MACF1: variants seen among roughly 807,000 people sequenced by gnomAD.
MACF1 encodes microtubule-actin cross-linking factor 1.
In MACF1, 193 loss-of-function variants were observed where a neutral mutation model predicts 854.8. That is an observed-to-expected ratio of 0.23 (90% confidence interval 0.20 to 0.25). The LOEUF (loss-of-function observed/expected upper bound fraction) is 0.25, where lower values mean the gene tolerates loss of function less well. Among genes scored for constraint, MACF1 ranks in the 10% least tolerant of loss-of-function variants. MACF1 has a pLI of 1.00. For missense variants in MACF1, 7,722 were observed against 8,929.1 expected, an observed-to-expected ratio of 0.86 and a Z score of 5.45; for synonymous variants, 3,185 against 3,226.7, an observed-to-expected ratio of 0.99 and a Z score of 0.44.
chr1:39,268,910 C>T (rs755209715), intron 6 of MACF1: 133 of 1,288,100 alleles, frequency 1.0e-4, no homozygotes, highest in Non-Finnish European at 1.3e-4. Flanking sequence ...CAGAGAGTCT[C>T]CAAAAGGAAG....
rs547010094 is a variant in MACF1 at position 39,257,705 on chromosome 1, G to A, written c.436-231G>A. Reference sequence around the variant, plus strand: ...AGATCAGTGGTTGTCAGGAATTAGGGGTGAGAGTAGGGTTTGATTACAAGG... The same window carrying A: ...AGATCAGTGGTTGTCAGGAATTAGGAGTGAGAGTAGGGTTTGATTACAAGG... On this transcript the variant is annotated intron_variant, in intron 5 of 100. Transcript: ENST00000564288. The A allele has an allele frequency of 6.4e-5, 30 of 466,026 alleles. No homozygotes were observed. In the East Asian group the frequency reaches 1.2e-3, roughly 18 times the overall value. 28.9% of individuals were successfully genotyped at this position (466,026 alleles called of 1,614,324 possible).
chr1:39,331,575 C>T lies in MACF1; in HGVS notation c.4987C>T (p.Leu1663Phe), dbSNP rs774977475. 2 of 1,614,206 alleles carry T rather than the reference C, an allele frequency of 1.2e-6. No individual in the cohort carries two copies. The highest frequency in any genetic ancestry group is 3.3e-5 in the Admixed American group (2 of 60,028). ...TCACCTGGCAACTGGAGGTTTCAGT[C>T]TTTCCCCTAGTGAGAACTGTATTAA... ...EAHLATGGFS[L>F]SPSENCINLE... Residue 1663 changes from leucine (L) to phenylalanine (F), a missense_variant, in exon 37 of 101, where the codon CTT becomes TTT. By Grantham distance (22) the Leu-to-Phe change is conservative. Coordinates refer to ENST00000564288, the MANE Select transcript of MACF1 (RefSeq NM_001394062.1).
intron 44 of MACF1, among the ~76,000 whole-genome samples, chr1:39,356,409 T>A (rs1297037204): frequency 6.6e-6 from 1 of 151,752 alleles, no homozygotes; most frequent in African/African-American, 2.4e-5. Context: ...GTCTCAAGTC[T>A]GTTGCCAGGC....
At chr1:39,387,019 A>T (rs550316190) in intron 57 of MACF1, among the ~76,000 whole-genome samples, 168 bp from the exon 58 acceptor site, 6 of 152,362 alleles carry the variant, frequency 3.9e-5, no homozygotes, top group Middle Eastern at 3.4e-3. Flanking sequence ...TGATACGAGG[A>T]TTAAATAAGA....
intron 80 of MACF1, 68 bp from the exon 81 acceptor site, chr1:39,447,364 G>T (rs987577422): frequency 2.7e-6 from 4 of 1,482,030 alleles, no homozygotes; most frequent in Non-Finnish European, 3.7e-6. Flanking sequence ...TGCCTTTGTC[G>T]CTGAGCCTAT....
intron 58 of MACF1, among the ~76,000 whole-genome samples, chr1:39,394,572 G>A (rs146516818): frequency 0.01 from 1,546 of 152,102 alleles, 29 homozygotes; most frequent in African/African-American, 0.035. Context: ...GCAGTGAGCC[G>A]AGATCGCACC....
At chr1:39,234,265 C>T (rs1204892932) in intron 2 of MACF1, among the ~76,000 whole-genome samples, 8 of 152,098 alleles carry the variant, frequency 5.3e-5, no homozygotes, top group Admixed American at 2.6e-4. Flanking sequence ...TCCACAAAGC[C>T]GCCATTGTCA....
At position 39,428,085 on chromosome 1, in the gene MACF1, T is replaced by C. The variant is rs1191103120; in HGVS notation, c.16601T>C (p.Leu5534Ser). ...QGVLSEKIDS[L>S]QARYSEIQDR... ...GTGCTGTCAGAAAAGATAGACTCAT[T>C]GCAGGCCCGATACAGTGAAATTCAA... is the stretch of plus-strand genomic sequence containing the variant. Residue 5534 changes from leucine (L) to serine (S), a missense_variant, in exon 63 of 101, where the codon TTG becomes TCG. Physicochemically the swap from Leu to Ser is moderately radical, Grantham distance 145. This residue lies in a region of MACF1 where 2,807 missense variants were observed against 3,235.8 expected (regional missense o/e 0.87). Coordinates refer to ENST00000564288, the MANE Select transcript of MACF1 (RefSeq NM_001394062.1). 6 of 1,614,084 alleles carry C rather than the reference T, an allele frequency of 3.7e-6. No individual in the cohort carries two copies. Among genetic ancestry groups the C allele is most frequent in the Non-Finnish European group, 1.7e-6 (2 of 1,180,042 alleles).
At chr1:39,368,022 C>A in intron 49 of MACF1, 126 bp from the exon 50 acceptor site, 9 of 565,568 alleles carry the variant, frequency 1.6e-5, no homozygotes, top group South Asian at 3.8e-5. Flanking sequence ...AAACTTTTCA[C>A]TGAGTTGCAT....
At chr1:39,094,578 C>T (rs112646560) in intron 2 of MACF1, among the ~76,000 whole-genome samples, 25,543 of 151,770 alleles carry the variant, frequency 0.17, 2,720 homozygotes, top group Middle Eastern at 0.25. Flanking sequence ...ATTAGCCGGG[C>T]GTGGTGGTGC....
Position 39,378,448 on chromosome 1 carries a change from T to C in MACF1, c.13214-13T>C, listed in dbSNP as rs541711421. 2.5e-6 allele frequency: 4 copies of C among 1,612,158 alleles called. No homozygotes were observed. In the African/African-American group the frequency reaches 5.3e-5, roughly 21 times the overall value. On this transcript the variant is annotated splice_polypyrimidine_tract_variant and intron_variant, in intron 52 of 100. Transcript: ENST00000564288. ...TGGTCTTGCCCTGTTTGTCTCCCTG[T>C]CCTTCTGCTCAGGTTCCATACTGCC...
chr1:39,254,529 T>G (rs1645076919), intron 5 of MACF1, 154 bp downstream of exon 5: 1 of 645,538 alleles, frequency 1.5e-6, no homozygotes, highest in Non-Finnish European at 2.7e-6. Context: ...GCAATTGTAT[T>G]CTGGTTAGAG....
chr1:39,225,506 A>G (rs950608304), intron 1 of MACF1, among the ~76,000 whole-genome samples: 4 of 151,956 alleles, frequency 2.6e-5, no homozygotes, highest in African/African-American at 7.3e-5. Flanking sequence ...GTGAGCCACC[A>G]CGCCCGGCCA....
chr1:39,439,455 A>G lies in MACF1; in HGVS notation c.18402A>G (p.Pro6134=), dbSNP rs770657204. 6.2e-7 allele frequency: 1 copy of G among 1,614,240 alleles called. No individual in the cohort carries two copies. Among genetic ancestry groups the G allele is most frequent in the South Asian group, 1.1e-5 (1 of 91,084 alleles). The part of the protein sequence containing the change: ...TQDIVHDLES[P]GIDPSIIKQQ... ...ATATTGTCCATGACTTGGAAAGCCC[A>G]GGCATTGATCCTTCCATCATCAAAC... Residue 6134 remains proline, a synonymous_variant, in exon 72 of 101, where the codon CCA becomes CCG. Transcript: ENST00000564288.
At chr1:39,395,945 T>TGAAGGTAGTAAAATTGAATG (rs1490555356) in intron 58 of MACF1, among the ~76,000 whole-genome samples, 1 of 152,108 alleles carries the variant, frequency 6.6e-6, no homozygotes, top group Admixed American at 6.5e-5. Context: ...CATGCCCCAG[T>TGAAGGTAGTAAAATTGAATG]GAAGGTAGTA....
intron 58 of MACF1, among the ~76,000 whole-genome samples, chr1:39,405,271 A>G (rs1642654184): frequency 6.6e-6 from 1 of 152,238 alleles, no homozygotes; most frequent in Admixed American, 6.5e-5. Context: ...ACAGGTACAG[A>G]CTAATACTGT....
At position 39,370,202 on chromosome 1, in the gene MACF1, G is replaced by T. The variant is rs757670539; in HGVS notation, c.13095+16G>T. The T allele has an allele frequency of 9.4e-6, 15 of 1,596,270 alleles. 1 individual carries two copies. The East Asian group carries it at 2.0e-4, about 22-fold the overall frequency. On this transcript the variant is annotated intron_variant, in intron 51 of 100. Transcript: ENST00000564288. ...ACACCTGAAGGTAGGTGAACAAAGG[G>T]ACTCCAAGAATTGGGCTAGGCACTG...
chr1:39,279,930 G>A (rs1306005290), intron 6 of MACF1, among the ~76,000 whole-genome samples: 1 of 152,104 alleles, frequency 6.6e-6, no homozygotes, highest in South Asian at 2.1e-4. Flanking sequence ...AAAAAAAGAA[G>A]AGTAGGAAGA....
intron 34 of MACF1, 98 bp downstream of exon 34, chr1:39,324,443 G>T: frequency 1.4e-6 from 2 of 1,409,042 alleles, no homozygotes; most frequent in Non-Finnish European, 1.9e-6. Flanking sequence ...TTCCAGAAGT[G>T]ATTGCTACCT....
Sources: gnomAD v4.1 joint callset for allele counts (sites outside exome capture counted in the v4.1 genomes callset) on GRCh38, gnomAD v4.1.1 for gene constraint, gnomAD v4.1.1 regional missense constraint, MANE v1.5 for transcripts, NCBI Gene and HGNC (gene_info 2026-07-23, HGNC 2026-07-21) for gene names.